Variants in THSD7B observed in about 807,000 individuals in gnomAD.
THSD7B encodes the protein thrombospondin type 1 domain containing 7B, also known as thrombospondin type-1 domain-containing protein 7B.
Under a neutral mutation model 213.6 loss-of-function variants are expected in THSD7B, and 138 were observed. The observed-to-expected ratio is 0.65, with a 90% CI of 0.56 to 0.74. The LOEUF is 0.74. THSD7B is among the 30% of genes least tolerant of loss of function. The pLI, the probability that THSD7B is intolerant of heterozygous loss-of-function variation, is 0.00. For missense variants in THSD7B, 1,931 were observed against 1,991.5 expected (o/e 0.97, Z 0.58); for synonymous variants, 742 against 687.0 (o/e 1.08, Z -1.25).
intron 17 of THSD7B, among the ~76,000 whole-genome samples, chr2:137,584,887 A>T (rs911946348): frequency 3.3e-5 from 5 of 152,100 alleles, no homozygotes; most frequent in African/African-American, 1.2e-4. Context: ...TTTTCTATTG[A>T]TTGGAATAGT....
intron 25 of THSD7B, among the ~76,000 whole-genome samples, chr2:137,662,872 T>C (rs1459521218): frequency 6.6e-6 from 1 of 152,000 alleles, no homozygotes; most frequent in Non-Finnish European, 1.5e-5. Flanking sequence ...CTGGCCAACA[T>C]GGTGAAACCC....
chr2:137,608,750 A>G (rs1446868981), intron 17 of THSD7B, among the ~76,000 whole-genome samples: 1 of 152,206 alleles, frequency 6.6e-6, no homozygotes, highest in Non-Finnish European at 1.5e-5. Flanking sequence ...GGAAGCTGTA[A>G]GGAGCTATTC....
intron 7 of THSD7B, among the ~76,000 whole-genome samples, chr2:137,200,950 T>G (rs1328180818): frequency 6.6e-6 from 1 of 152,184 alleles, no homozygotes; most frequent in Non-Finnish European, 1.5e-5. Context: ...ATTATAGGTA[T>G]AGAGCCACTC....
chr2:137,363,228 A>T (rs1191374466), intron 12 of THSD7B, among the ~76,000 whole-genome samples: 3 of 152,008 alleles, frequency 2.0e-5, no homozygotes, highest in Admixed American at 2.0e-4. Flanking sequence ...CTAGGACACA[A>T]TTAAAGCAGT....
intron 9 of THSD7B, 46 bp downstream of exon 9, chr2:137,233,179 T>G (rs775339093): frequency 2.0e-6 from 3 of 1,527,750 alleles, no homozygotes; most frequent in Non-Finnish European, 2.7e-6. Flanking sequence ...TATTTCATGT[T>G]GAGTATTTTT....
chr2:137,232,421 G>A (rs1681661223), intron 8 of THSD7B, among the ~76,000 whole-genome samples: 1 of 152,088 alleles, frequency 6.6e-6, no homozygotes, highest in South Asian at 2.1e-4. Context: ...ATAGAGGATA[G>A]GTGTCTTAAA....
chr2:137,102,284 C>G (rs1431018418), intron 4 of THSD7B, among the ~76,000 whole-genome samples: 1 of 152,096 alleles, frequency 6.6e-6, no homozygotes, highest in Non-Finnish European at 1.5e-5. Context: ...TCCAGCAGAC[C>G]TGCAGCAGAG....
chr2:137,423,318 G>A (rs1049541557), intron 14 of THSD7B, among the ~76,000 whole-genome samples: 11 of 151,932 alleles, frequency 7.2e-5, no homozygotes, highest in African/African-American at 2.4e-4. Flanking sequence ...ATAAATAAAA[G>A]GTATCTATAT....
At chr2:137,279,756 C>T (rs992604046) in intron 12 of THSD7B, among the ~76,000 whole-genome samples, 4 of 152,100 alleles carry the variant, frequency 2.6e-5, no homozygotes, top group South Asian at 2.1e-4. Context: ...TGTTTCTTTA[C>T]GCATATTAAT....
intron 5 of THSD7B, among the ~76,000 whole-genome samples, chr2:137,140,608 C>T (rs1241541748): frequency 1.3e-5 from 2 of 151,906 alleles, no homozygotes; most frequent in East Asian, 3.9e-4. Flanking sequence ...AATTTTTTGC[C>T]AACTGGATAA....
intron 15 of THSD7B, among the ~76,000 whole-genome samples, chr2:137,542,496 C>A (rs1462162439): frequency 6.6e-6 from 1 of 151,592 alleles, no homozygotes; most frequent in African/African-American, 2.4e-5. Flanking sequence ...TAATTCAAAT[C>A]TGCACAGAGA....
rs1031418673 is a variant in THSD7B, at chr2:137,090,033, A to AAAAAGAT, written c.951-4834_951-4833insTAAAAGA. 2.6e-4 allele frequency among the ~76,000 whole-genome samples: 40 copies of AAAAAGAT among 152,028 alleles called. No individual in the cohort carries two copies. The South Asian group carries it at 2.7e-3, about 10-fold the overall frequency. On this transcript the variant is annotated intron_variant, in intron 3 of 27. Coordinates refer to ENST00000409968, the MANE Select transcript of THSD7B (RefSeq NM_001316349.2). ...AAAAAAAGTAAAAAAAGAAAAAAGA[A>AAAAAGAT]AAAAGAACTTACTCATGTCACCAAA...
intron 14 of THSD7B, 142 bp downstream of exon 14, chr2:137,412,014 T>C: frequency 1.0e-6 from 1 of 974,016 alleles, no homozygotes; most frequent in Non-Finnish European, 1.5e-6. Context: ...TCTCATAAAA[T>C]ATGGACAGAT....
At chr2:137,187,595 C>G (rs1680575430) in intron 7 of THSD7B, among the ~76,000 whole-genome samples, 1 of 152,112 alleles carries the variant, frequency 6.6e-6, no homozygotes, top group African/African-American at 2.4e-5. Flanking sequence ...GCTAGAAATA[C>G]AAGATTAGAA....
chr2:137,397,425 G>A (rs992994233), intron 12 of THSD7B, among the ~76,000 whole-genome samples: 1 of 152,014 alleles, frequency 6.6e-6, no homozygotes, highest in Admixed American at 6.6e-5. Flanking sequence ...CACTTAGGAA[G>A]CTTAGTTTGG....
At chr2:137,212,077 A>T (rs1681125182) in intron 7 of THSD7B, among the ~76,000 whole-genome samples, 1 of 152,102 alleles carries the variant, frequency 6.6e-6, no homozygotes, top group South Asian at 2.1e-4. Flanking sequence ...ATGTTTTCTA[A>T]TATAACCTCA....
chr2:137,321,216 T>G lies in THSD7B; in HGVS notation c.2500+45190T>G, dbSNP rs569678620. 6.6e-5 allele frequency among the ~76,000 whole-genome samples: 10 copies of G among 152,322 alleles called. 1 individual carries two copies. The South Asian group carries it at 2.1e-3, about 32-fold the overall frequency. ...GGGGGAAACTGAACATATGCTGTAG[T>G]TTAGAGTATTATGTCTCTTATAGGC... On this transcript the variant is annotated intron_variant, in intron 12 of 27. Transcript: ENST00000409968.
rs182513919 is a variant in THSD7B, at chr2:136,994,438, G to A, written c.140-61982G>A. On this transcript the variant is annotated intron_variant, in intron 2 of 27. Coordinates refer to ENST00000409968, the MANE Select transcript of THSD7B (RefSeq NM_001316349.2). Reference sequence around the variant, plus strand: ...AAAAATTAGCTGGGCGTGGTGGCGGGCGCCTTTAGTCCCAGCTACTTGGGA... The same window carrying A: ...AAAAATTAGCTGGGCGTGGTGGCGGACGCCTTTAGTCCCAGCTACTTGGGA... Among the ~76,000 whole-genome samples the A allele has an allele frequency of 7.4e-3, 1,120 of 152,240 alleles. 18 individuals are homozygous for A. The highest frequency in any genetic ancestry group is 0.026 in the African/African-American group (1,067 of 41,530).
chr2:137,309,287 GT>G (rs201538097), intron 12 of THSD7B, among the ~76,000 whole-genome samples: 3 of 151,000 alleles, frequency 2.0e-5, no homozygotes, highest in East Asian at 3.9e-4. Context: ...ACTTCTCAGA[GT>G]TTTTTTTCAC....
Sources: allele counts gnomAD v4.1 joint callset (sites outside exome capture counted in the v4.1 genomes callset), GRCh38; gene constraint gnomAD v4.1.1; transcripts MANE v1.5; gene names NCBI Gene and HGNC (gene_info 2026-07-23, HGNC 2026-07-21).